The following HSD17B12 variants were observed in gnomAD, a reference collection of about 807,000 sequenced individuals.
HSD17B12 encodes hydroxysteroid 17-beta dehydrogenase 12.
A neutral mutation model predicts 39.3 loss-of-function variants in HSD17B12; 32 were observed. The ratio of observed to expected loss-of-function variants is 0.81; its 90% CI spans 0.61 to 1.09. HSD17B12 has a LOEUF of 1.09. HSD17B12 is among the 50% of genes least tolerant of loss of function. The pLI is 0.00. For missense variants in HSD17B12, 342 were observed against 382.9 expected, an observed-to-expected ratio of 0.89 and a Z score of 0.89; for synonymous variants, 150 against 146.7, an observed-to-expected ratio of 1.02 and a Z score of -0.16.
At chr11:43,683,345 A>C (rs1265771252) in intron 1 of HSD17B12, among the ~76,000 whole-genome samples, 1 of 152,168 alleles carries the variant, frequency 6.6e-6, no homozygotes, top group African/African-American at 2.4e-5. Context: ...TCATAGTATC[A>C]TAATTGAAGT....
At chr11:43,643,187 AAAC>A in the HSD17B12 span, among the ~76,000 whole-genome samples, 1 of 152,094 alleles carries the variant, frequency 6.6e-6, no homozygotes, top group African/African-American at 2.4e-5. Flanking sequence ...ATCAAATACT[AAAC>A]AATTATTTTA....
At chr11:43,733,758 C>T (rs1950290325) in intron 1 of HSD17B12, 2 of 653,362 alleles carry the variant, frequency 3.1e-6, no homozygotes, top group South Asian at 2.8e-5. Context: ...CAGAAGAAAA[C>T]TTGGCTGCCA....
chr11:43,688,299 A>G (rs1949820733), intron 1 of HSD17B12, among the ~76,000 whole-genome samples: 6 of 152,166 alleles, frequency 3.9e-5, no homozygotes. Context: ...CTTAGTTATC[A>G]TCTCTCAGAG....
the HSD17B12 span, among the ~76,000 whole-genome samples, chr11:43,559,456 G>C: frequency 1.3e-5 from 2 of 152,194 alleles, no homozygotes; most frequent in Non-Finnish European, 2.9e-5. Context: ...CCAAGCACTT[G>C]TCACATGCAG....
At chr11:43,715,512 C>T (rs1391876018) in intron 1 of HSD17B12, among the ~76,000 whole-genome samples, 2 of 152,138 alleles carry the variant, frequency 1.3e-5, no homozygotes, top group African/African-American at 2.4e-5. Context: ...TGATGTGCTG[C>T]TGGATTTGGT....
chr11:43,606,528 C>T, the HSD17B12 span, among the ~76,000 whole-genome samples: 1 of 152,210 alleles, frequency 6.6e-6, no homozygotes, highest in South Asian at 2.1e-4. Context: ...GTGCATTTGG[C>T]CCTCAAAACA....
At position 43,819,145 on chromosome 11, in the gene HSD17B12, T is replaced by C. The variant is rs1407787949; in HGVS notation, c.501+2754T>C. Among the ~76,000 whole-genome samples, 13 of 152,326 alleles carry C rather than the reference T, an allele frequency of 8.5e-5. No individual in the cohort carries two copies. The East Asian group carries it at 1.7e-3, about 20-fold the overall frequency. On this transcript the variant is annotated intron_variant, in intron 6 of 10. Coordinates refer to ENST00000278353, the MANE Select transcript of HSD17B12 (RefSeq NM_016142.3). ...TGTTAATACTAATTTCAGATTAGTC[T>C]TCTGATAATTTTAACTCCTCTGTCA... is the stretch of plus-strand genomic sequence containing the variant.
chr11:43,854,548 CAT>C (rs1951562944), intron 9 of HSD17B12, 165 bp from the exon 10 acceptor site: 1 of 641,872 alleles, frequency 1.6e-6, no homozygotes, highest in Non-Finnish European at 2.7e-6. Flanking sequence ...TTTATGGTAT[CAT>C]GTGTTCTATC....
chr11:43,639,052 T>G, the HSD17B12 span, among the ~76,000 whole-genome samples: 1 of 152,156 alleles, frequency 6.6e-6, no homozygotes, highest in Non-Finnish European at 1.5e-5. Flanking sequence ...GCCCTGAGGG[T>G]GAATCAAAGA....
chr11:43,783,671 T>G (rs565538038), intron 3 of HSD17B12, among the ~76,000 whole-genome samples: 14 of 152,178 alleles, frequency 9.2e-5, no homozygotes, highest in African/African-American at 3.4e-4. Flanking sequence ...GCATGCGGTG[T>G]TTGGTTTTCT....
At chr11:43,730,022 T>C (rs571608693) in intron 1 of HSD17B12, among the ~76,000 whole-genome samples, 127 of 152,288 alleles carry the variant, frequency 8.3e-4, no homozygotes, top group Non-Finnish European at 1.5e-3. Flanking sequence ...ACATACTGTT[T>C]TTAAAACTTG....
At chr11:43,669,163 C>T in the HSD17B12 span, among the ~76,000 whole-genome samples, 1 of 151,882 alleles carries the variant, frequency 6.6e-6, no homozygotes, top group South Asian at 2.1e-4. Context: ...TGTCTTAGGT[C>T]TACCGCAACA....
chr11:43,734,675 A>G (rs528111666), intron 1 of HSD17B12: 122 of 253,504 alleles, frequency 4.8e-4, no homozygotes, highest in Middle Eastern at 1.3e-3. Flanking sequence ...AAATTTCATG[A>G]TTGGCTTAAA....
At chr11:43,721,359 C>G (rs1343795398) in intron 1 of HSD17B12, among the ~76,000 whole-genome samples, 3 of 152,090 alleles carry the variant, frequency 2.0e-5, no homozygotes, top group Non-Finnish European at 4.4e-5. Flanking sequence ...TGGCTGATGC[C>G]TGTAATCTCA....
intron 1 of HSD17B12, among the ~76,000 whole-genome samples, chr11:43,695,211 C>A (rs1949899357): frequency 6.6e-6 from 1 of 152,058 alleles, no homozygotes; most frequent in African/African-American, 2.4e-5. Context: ...GCTTTTTAAC[C>A]AAATATCTTC....
At chr11:43,688,319 GTC>G (rs1418341985) in intron 1 of HSD17B12, among the ~76,000 whole-genome samples, 1 of 152,152 alleles carries the variant, frequency 6.6e-6, no homozygotes, top group Non-Finnish European at 1.5e-5. Flanking sequence ...GACCATTTCT[GTC>G]TGGGGGAAAA....
At chr11:43,646,810 T>G in the HSD17B12 span, among the ~76,000 whole-genome samples, 3 of 152,152 alleles carry the variant, frequency 2.0e-5, no homozygotes, top group Non-Finnish European at 4.4e-5. Context: ...TCCTTATCAC[T>G]CCAATTCTGA....
chr11:43,589,209 C>T, the HSD17B12 span, among the ~76,000 whole-genome samples: 1 of 152,116 alleles, frequency 6.6e-6, no homozygotes, highest in South Asian at 2.1e-4. Flanking sequence ...TTCTTTCCTT[C>T]TTCTGACTTT....
chr11:43,662,498 G>GCCCC, the HSD17B12 span, among the ~76,000 whole-genome samples: 1 of 144,532 alleles, frequency 6.9e-6, no homozygotes, highest in Non-Finnish European at 1.5e-5. Context: ...ACCCACCTTA[G>GCCCC]CCCCCCAAAG....
Sources: allele counts gnomAD v4.1 joint callset (sites outside exome capture counted in the v4.1 genomes callset), GRCh38; gene constraint gnomAD v4.1.1; transcripts MANE v1.5; gene names NCBI Gene and HGNC (gene_info 2026-07-23, HGNC 2026-07-21).